Variants in GRIK4 observed in about 807,000 individuals in gnomAD.
GRIK4 encodes glutamate ionotropic receptor kainate type subunit 4, also known as glutamate receptor ionotropic, kainate 4.
In GRIK4, 40 loss-of-function variants were observed where a neutral mutation model predicts 104.9. The observed-to-expected ratio is 0.38, with a 90% CI of 0.30 to 0.50. The LOEUF is 0.50. GRIK4 is among the 20% of genes least tolerant of loss of function. The pLI, the probability that GRIK4 is intolerant of heterozygous loss-of-function variation, is 0.93. For missense variants in GRIK4, 1,047 were observed against 1,308.1 expected (o/e 0.80, Z 3.08); for synonymous variants, 485 against 524.9 (o/e 0.92, Z 1.04).
At chr11:120,972,076 C>G (rs754604578) in intron 19 of GRIK4, among the ~76,000 whole-genome samples, 1 of 152,200 alleles carries the variant, frequency 6.6e-6, no homozygotes, top group African/African-American at 2.4e-5. Context: ...GCATCTTACT[C>G]TGTAATACAG....
At chr11:120,514,058 G>T (rs1947693521) in intron 1 of GRIK4, among the ~76,000 whole-genome samples, 1 of 152,172 alleles carries the variant, frequency 6.6e-6, no homozygotes, top group Non-Finnish European at 1.5e-5. Context: ...TTCTGAGGTG[G>T]TTCTCAGCCA....
intron 3 of GRIK4, among the ~76,000 whole-genome samples, chr11:120,750,994 G>A (rs923750580): frequency 1.3e-5 from 2 of 152,218 alleles, no homozygotes; most frequent in African/African-American, 4.8e-5. Flanking sequence ...AAAGCCTTTT[G>A]CAACGTGAAA....
At chr11:120,738,913 C>G (rs979610558) in intron 3 of GRIK4, among the ~76,000 whole-genome samples, 1 of 152,204 alleles carries the variant, frequency 6.6e-6, no homozygotes, top group Admixed American at 6.5e-5. Flanking sequence ...CTTTTGGAGA[C>G]GCAGCCGGTA....
At chr11:120,794,654 A>T (rs1411205693) in intron 3 of GRIK4, among the ~76,000 whole-genome samples, 1 of 152,124 alleles carries the variant, frequency 6.6e-6, no homozygotes, top group Non-Finnish European at 1.5e-5. Context: ...GTCTTGGAGG[A>T]AACCAGTCCT....
chr11:120,569,473 A>G (rs1299459238), intron 1 of GRIK4, among the ~76,000 whole-genome samples: 1 of 152,236 alleles, frequency 6.6e-6, no homozygotes, highest in Non-Finnish European at 1.5e-5. Flanking sequence ...CAGGTCAGAA[A>G]ACTAAGGCTT....
chr11:120,696,886 C>T lies in GRIK4; in HGVS notation c.82+36486C>T, dbSNP rs546168742. On this transcript the variant is annotated intron_variant, in intron 3 of 20. Coordinates refer to ENST00000527524, the MANE Select transcript of GRIK4 (RefSeq NM_014619.5). Reference sequence around the variant, plus strand: ...GTCAGAGCCCAGAACAGGTCCAGCCCCTTCATTTTCCAGAAGATAAACTGC... The same window carrying T: ...GTCAGAGCCCAGAACAGGTCCAGCCTCTTCATTTTCCAGAAGATAAACTGC... Among the ~76,000 whole-genome samples the T allele has an allele frequency of 2.6e-5, 4 of 152,308 alleles. No individual in the cohort carries two copies. In the South Asian group the frequency reaches 8.3e-4, roughly 32 times the overall value.
intron 18 of GRIK4, among the ~76,000 whole-genome samples, chr11:120,963,660 T>C (rs1375004699): frequency 1.3e-5 from 2 of 152,226 alleles, no homozygotes; most frequent in Non-Finnish European, 2.9e-5. Flanking sequence ...ACATCCCTGC[T>C]GTTGATCTTT....
chr11:120,815,291 C>A, intron 4 of GRIK4, 87 bp from the exon 5 acceptor site: 2 of 734,202 alleles, frequency 2.7e-6, no homozygotes, highest in Non-Finnish European at 2.3e-6. Context: ...GAGGGGGCAG[C>A]GGGTGAAGAG....
At chr11:120,966,760 G>T (rs1031041855) in intron 18 of GRIK4, among the ~76,000 whole-genome samples, 1 of 152,222 alleles carries the variant, frequency 6.6e-6, no homozygotes, top group African/African-American at 2.4e-5. Flanking sequence ...CTTCCTGGAG[G>T]TGGATGGGAT....
At chr11:120,582,871 T>G (rs966554481) in intron 1 of GRIK4, among the ~76,000 whole-genome samples, 1 of 152,242 alleles carries the variant, frequency 6.6e-6, no homozygotes, top group African/African-American at 2.4e-5. Flanking sequence ...TCTTTGGGTA[T>G]ATACCCAATA....
At chr11:120,699,598 G>A (rs1225851660) in intron 3 of GRIK4, among the ~76,000 whole-genome samples, 3 of 151,122 alleles carry the variant, frequency 2.0e-5, no homozygotes, top group Non-Finnish European at 2.9e-5. Flanking sequence ...TATAGTCTGT[G>A]ACTGATAAGT....
intron 6 of GRIK4, among the ~76,000 whole-genome samples, chr11:120,831,350 G>A (rs370569890): frequency 6.6e-6 from 1 of 152,334 alleles, no homozygotes; most frequent in East Asian, 1.9e-4. Flanking sequence ...CCCTTCACAC[G>A]TGGCCTCTTG....
intron 1 of GRIK4, among the ~76,000 whole-genome samples, chr11:120,526,496 C>T (rs1301015388): frequency 6.6e-6 from 1 of 152,226 alleles, no homozygotes; most frequent in African/African-American, 2.4e-5. Context: ...CTGTGCCCAG[C>T]CATGTGCACT....
chr11:120,628,919 G>A (rs1257359624), intron 1 of GRIK4, among the ~76,000 whole-genome samples: 1 of 152,208 alleles, frequency 6.6e-6, no homozygotes, highest in Non-Finnish European at 1.5e-5. Flanking sequence ...AGCAGTACTT[G>A]CCTTACGCTG....
intron 3 of GRIK4, among the ~76,000 whole-genome samples, chr11:120,678,473 C>T (rs952428430): frequency 2.6e-5 from 4 of 152,078 alleles, no homozygotes; most frequent in African/African-American, 9.7e-5. Flanking sequence ...CGGCTAATAG[C>T]TGAACATTTA....
At chr11:120,846,465 T>C (rs1261505080) in intron 8 of GRIK4, among the ~76,000 whole-genome samples, 3 of 152,162 alleles carry the variant, frequency 2.0e-5, no homozygotes, top group African/African-American at 2.4e-5. Flanking sequence ...TTTACAGATA[T>C]GGCTTCCCTT....
At chr11:120,874,997 T>C in intron 10 of GRIK4, 142 bp from the exon 11 acceptor site, 1 of 642,322 alleles carries the variant, frequency 1.6e-6, no homozygotes, top group Non-Finnish European at 2.8e-6. Flanking sequence ...CAAGATGCCT[T>C]GGCTGTGTGT....
intron 7 of GRIK4, among the ~76,000 whole-genome samples, chr11:120,833,058 A>C (rs1953473270): frequency 6.6e-6 from 1 of 151,926 alleles, no homozygotes; most frequent in Admixed American, 6.6e-5. Context: ...GCCCGCAGAC[A>C]CTCAGATGAT....
chr11:120,873,360 T>C (rs1376370404), intron 9 of GRIK4: 1 of 152,360 alleles, frequency 6.6e-6, no homozygotes, highest in Admixed American at 6.5e-5. Flanking sequence ...AAAGACTTTC[T>C]TGATTGCCCA....
Sources: gnomAD v4.1 joint callset for allele counts (sites outside exome capture counted in the v4.1 genomes callset) on GRCh38, gnomAD v4.1.1 for gene constraint, MANE v1.5 for transcripts, NCBI Gene and HGNC (gene_info 2026-07-23, HGNC 2026-07-21) for gene names.